The following PCLO variants were observed in gnomAD, a reference collection of about 807,000 sequenced individuals.
The protein encoded by PCLO is piccolo presynaptic cytomatrix protein.
In PCLO, 82 loss-of-function variants were observed where a neutral mutation model predicts 427.5. The observed-to-expected ratio is 0.19, with a 90% confidence interval of 0.16 to 0.23. The LOEUF (loss-of-function observed/expected upper bound fraction) is 0.23. Ranked by LOEUF, PCLO falls within the 10% of genes least tolerant of loss-of-function variation. The pLI is 1.00. For missense variants in PCLO, 6,239 were observed against 6,115.9 expected (o/e 1.02, Z -0.67); for synonymous variants, 2,357 against 2,155.4 (o/e 1.09, Z -2.59).
chr7:82,897,411 T>C (rs960857338), intron 9 of PCLO, among the ~76,000 whole-genome samples: 1 of 151,592 alleles, frequency 6.6e-6, no homozygotes, highest in Non-Finnish European at 1.5e-5. Flanking sequence ...TAATAGAAGA[T>C]TACAGGTCTG....
At chr7:83,075,798 C>T (rs1167276482) in intron 3 of PCLO, among the ~76,000 whole-genome samples, 1 of 151,998 alleles carries the variant, frequency 6.6e-6, no homozygotes, top group Non-Finnish European at 1.5e-5. Flanking sequence ...AATATTAGCA[C>T]ATAAAGCCTA....
intron 3 of PCLO, among the ~76,000 whole-genome samples, chr7:83,024,571 C>G (rs1333323892): frequency 6.6e-6 from 1 of 152,206 alleles, no homozygotes; most frequent in Non-Finnish European, 1.5e-5. Context: ...GTAAACAAAG[C>G]AGCCAGGAAG....
chr7:83,134,146 A>G, intron 3 of PCLO, 104 bp downstream of exon 3: 1 of 338,210 alleles, frequency 3.0e-6, no homozygotes. Context: ...CTTCACCACA[A>G]ATGTATTTTT....
intron 3 of PCLO, among the ~76,000 whole-genome samples, chr7:82,972,840 A>T (rs995345989): frequency 6.6e-6 from 1 of 152,104 alleles, no homozygotes; most frequent in Non-Finnish European, 1.5e-5. Context: ...AAAGAGAAAT[A>T]ATTACAGTAA....
At chr7:82,861,547 T>C (rs1190471525) in intron 10 of PCLO, among the ~76,000 whole-genome samples, 1 of 151,996 alleles carries the variant, frequency 6.6e-6, no homozygotes, top group African/African-American at 2.4e-5. Context: ...ATTACAATAA[T>C]AGCTGGAGAC....
rs1197535530 is a variant in PCLO, at chr7:83,108,019, GAAGA to G, written c.3300+26227_3300+26230del. On this transcript the variant is annotated intron_variant, in intron 3 of 24. Coordinates refer to ENST00000333891, the MANE Select transcript of PCLO (RefSeq NM_033026.6). ...AAAAAAAAAAAAAAAAAAAGGAAAG[GAAGA>G]AAGAAAGAACTCTAAAGTTTCAAAT... 2.0e-5 allele frequency among the ~76,000 whole-genome samples: 3 copies of G among 148,182 alleles called. No individual in the cohort carries two copies. In the East Asian group the frequency reaches 5.9e-4, roughly 29 times the overall value.
At chr7:83,149,273 G>T (rs1265273078) in intron 2 of PCLO, among the ~76,000 whole-genome samples, 1 of 152,024 alleles carries the variant, frequency 6.6e-6, no homozygotes, top group Non-Finnish European at 1.5e-5. Context: ...TATATTTTTT[G>T]ATTCCAAGTT....
At chr7:82,800,177 G>A (rs1056959059) in intron 22 of PCLO, among the ~76,000 whole-genome samples, 5 of 152,096 alleles carry the variant, frequency 3.3e-5, no homozygotes, top group African/African-American at 7.2e-5. Context: ...TTACAATTTC[G>A]AATAGAACAA....
intron 3 of PCLO, among the ~76,000 whole-genome samples, chr7:83,131,069 AC>A (rs1485466275): frequency 6.6e-6 from 1 of 152,226 alleles, no homozygotes; most frequent in African/African-American, 2.4e-5. Context: ...CACTAGGTAA[AC>A]TGATTAGGCT....
chr7:82,981,013 G>A (rs1367001427), intron 3 of PCLO, among the ~76,000 whole-genome samples: 1 of 152,100 alleles, frequency 6.6e-6, no homozygotes, highest in Non-Finnish European at 1.5e-5. Context: ...GCAGATCTCA[G>A]AGATGAGTCT....
rs1795526137 is a variant in PCLO, at chr7:82,956,522, G to C, written c.4431C>G (p.Asp1477Glu). Residue 1477 changes from aspartate to glutamate, a missense_variant, in exon 5 of 25, where the codon GAC becomes GAG. Around this residue, in one of 5 missense-constraint regions of PCLO, gnomAD observed 4,677 missense variants for 4,468.4 expected, o/e 1.05. Transcript: ENST00000333891. ...CTTGTTGGCTATCTTTTTTAAAAGT[G>C]TCTTTCCTTTCTTCTTGACTCTCTT... ...EIKESQEERKDTFKKDSQQDI... is the reference protein window; with the variant it reads ...EIKESQEERKETFKKDSQQDI... 6.2e-7 allele frequency: 1 copy of C among 1,612,472 alleles called. No homozygotes were observed. The highest frequency in any genetic ancestry group is 2.2e-5 in the East Asian group (1 of 44,854).
chr7:82,805,911 T>C (rs534669952), intron 20 of PCLO, 82 bp from the exon 21 acceptor site: 1 of 1,339,648 alleles, frequency 7.5e-7, no homozygotes, highest in East Asian at 2.5e-5. Context: ...ATACATCTTC[T>C]TAATTTACAT....
intron 3 of PCLO, among the ~76,000 whole-genome samples, chr7:83,124,140 CT>C (rs1455500467): frequency 6.6e-6 from 1 of 150,868 alleles, no homozygotes; most frequent in African/African-American, 2.4e-5. Context: ...GAAACCCTGT[CT>C]CTACAAAAAA....
intron 3 of PCLO, among the ~76,000 whole-genome samples, chr7:82,984,543 ACT>A (rs1426229095): frequency 6.6e-6 from 1 of 151,804 alleles, no homozygotes; most frequent in African/African-American, 2.4e-5. Flanking sequence ...CTCCAGAGAC[ACT>A]GTCATTATTG....
At chr7:83,011,449 A>T (rs548773150) in intron 3 of PCLO, among the ~76,000 whole-genome samples, 4 of 152,200 alleles carry the variant, frequency 2.6e-5, no homozygotes, top group African/African-American at 9.6e-5. Flanking sequence ...AGGACCATGC[A>T]CATTCTGCTA....
chr7:82,769,713 CT>C (rs1416659765), intron 22 of PCLO, among the ~76,000 whole-genome samples: 1 of 152,172 alleles, frequency 6.6e-6, no homozygotes, highest in African/African-American at 2.4e-5. Context: ...TCCCATTACA[CT>C]GTATTTGCAA....
At chr7:82,962,189 T>C (rs2115627193) in intron 4 of PCLO, among the ~76,000 whole-genome samples, 1 of 152,302 alleles carries the variant, frequency 6.6e-6, no homozygotes, top group South Asian at 2.1e-4. Context: ...CCAGTGGTAT[T>C]ATGACACTAT....
At chr7:82,935,649 T>C (rs903523495) in intron 6 of PCLO, among the ~76,000 whole-genome samples, 6 of 151,636 alleles carry the variant, frequency 4.0e-5, no homozygotes, top group African/African-American at 1.4e-4. Context: ...AGCTATCAAT[T>C]ATTACATTTA....
Position 82,845,086 on chromosome 7 carries a change from C to A in PCLO, c.14046+185G>T, listed in dbSNP as rs1472303910. Among the ~76,000 whole-genome samples, 3 of 151,998 alleles carry A rather than the reference C, an allele frequency of 2.0e-5. No individual in the cohort carries two copies. In the East Asian group the frequency reaches 5.8e-4, roughly 29 times the overall value. On this transcript the variant is annotated intron_variant, in intron 13 of 24. Coordinates refer to ENST00000333891, the MANE Select transcript of PCLO (RefSeq NM_033026.6). Reference sequence around the variant, plus strand: ...ATATTTAAAAGATGTAGAAATACATCATCTTGATACATCTTGATCAGTTTT... The same window carrying A: ...ATATTTAAAAGATGTAGAAATACATAATCTTGATACATCTTGATCAGTTTT...
Sources: gnomAD v4.1 joint callset for allele counts (sites outside exome capture counted in the v4.1 genomes callset) on GRCh38, gnomAD v4.1.1 for gene constraint, gnomAD v4.1.1 regional missense constraint, MANE v1.5 for transcripts, NCBI Gene and HGNC (gene_info 2026-07-23, HGNC 2026-07-21) for gene names.